Variants in HHLA1 observed in about 807,000 individuals in gnomAD.
HHLA1 encodes HHLA1 neighbor of OC90.
Under a neutral mutation model 69.9 loss-of-function variants are expected in HHLA1, and 72 were observed. That is an observed-to-expected ratio of 1.03 (90% CI 0.85 to 1.25). HHLA1 has a LOEUF of 1.25. HHLA1 is among the 50% of genes most tolerant of loss of function. The probability of loss-of-function intolerance (pLI) is 0.00; values close to 1 mark genes in which losing one functional copy is unlikely to be tolerated. For synonymous variants in HHLA1, 252 were observed against 233.2 expected (o/e 1.08, Z -0.73); for missense variants, 685 against 642.2 (o/e 1.07, Z -0.72).
intron 1 of HHLA1, among the ~76,000 whole-genome samples, chr8:132,110,078 A>G (rs1463925160): frequency 1.3e-5 from 2 of 152,176 alleles, no homozygotes; most frequent in Non-Finnish European, 2.9e-5. Context: ...TCCCAAATCA[A>G]CCAAGGTTAG....
At chr8:132,078,170 A>G (rs1204339576) in intron 11 of HHLA1, among the ~76,000 whole-genome samples, 199 bp from the exon 12 acceptor site, 2 of 112,330 alleles carry the variant, frequency 1.8e-5, no homozygotes, top group Non-Finnish European at 3.4e-5. Flanking sequence ...AAGCACCAAT[A>G]AACACACACA....
chr8:132,068,845 G>A (rs2957047), intron 15 of HHLA1, among the ~76,000 whole-genome samples: 47 of 152,276 alleles, frequency 3.1e-4, no homozygotes, highest in South Asian at 2.5e-3. Flanking sequence ...TGGTTCTGGG[G>A]CCCCAAATAA....
intron 3 of HHLA1, among the ~76,000 whole-genome samples, chr8:132,103,215 G>A (rs1206387793): frequency 2.0e-5 from 3 of 152,308 alleles, no homozygotes; most frequent in African/African-American, 7.2e-5. Flanking sequence ...GGTACAATTG[G>A]TGCTTTCAGG....
intron 14 of HHLA1, among the ~76,000 whole-genome samples, chr8:132,073,696 C>A (rs949291843): frequency 6.6e-6 from 1 of 152,152 alleles, no homozygotes; most frequent in East Asian, 1.9e-4. Flanking sequence ...ATTTCCATGT[C>A]CCTTGCCCCA....
Position 132,084,162 on chromosome 8 carries a change from G to C in HHLA1, c.676+3491C>G, listed in dbSNP as rs552925496. On this transcript the variant is annotated intron_variant, in intron 10 of 16. Coordinates refer to ENST00000414222, the MANE Select transcript of HHLA1 (RefSeq NM_001145095.3). ...TTTAAGAGTAAATTGCTGGGCAGGT[G>C]GGGGAGGGCTAGTCAGGGAACGAAA... is the stretch of plus-strand genomic sequence containing the variant. Among the ~76,000 whole-genome samples the C allele has an allele frequency of 4.5e-4, 68 of 152,276 alleles. 1 individual carries two copies. In the East Asian group the frequency reaches 9.7e-3, roughly 22 times the overall value.
intron 7 of HHLA1, among the ~76,000 whole-genome samples, chr8:132,090,991 C>A (rs373653851): frequency 6.6e-6 from 1 of 152,138 alleles, no homozygotes; most frequent in Non-Finnish European, 1.5e-5. Context: ...GATCTCCTGA[C>A]CTTGTGCTCC....
At chr8:132,105,799 CA>C (rs1824194423) in intron 1 of HHLA1, among the ~76,000 whole-genome samples, 1 of 152,202 alleles carries the variant, frequency 6.6e-6, no homozygotes, top group Non-Finnish European at 1.5e-5. Flanking sequence ...ATATTTCTTC[CA>C]TGGATTTTCT....
intron 13 of HHLA1, 56 bp downstream of exon 13, chr8:132,076,419 T>TGCCCCCCCCCCCCCCCCCC: frequency 1.7e-6 from 1 of 596,564 alleles, no homozygotes; most frequent in Non-Finnish European, 3.1e-6. Flanking sequence ...TCCCCAAGCT[T>TGCCCCCCCCCCCCCCCCCC]CCCACCCCTC....
At position 132,080,172 on chromosome 8, in the gene HHLA1, A is replaced by C. The variant is rs1586727386; in HGVS notation, c.677-206T>G. ...ACCTCCAGCCCTCAGCCTCTCCAGG[A>C]CTCTGGTACATGTCTTTGGAAGAGG... is the stretch of plus-strand genomic sequence containing the variant. On this transcript the variant is annotated intron_variant, in intron 10 of 16. Coordinates refer to ENST00000414222, the MANE Select transcript of HHLA1 (RefSeq NM_001145095.3). 14 of 709,180 alleles carry C rather than the reference A, an allele frequency of 2.0e-5. No individual in the cohort carries two copies. In the East Asian group the frequency reaches 4.0e-4, roughly 20 times the overall value. 43.9% of individuals were successfully genotyped at this position (709,180 alleles called of 1,614,324 possible).
At chr8:132,089,784 G>A (rs912326781) in intron 7 of HHLA1, among the ~76,000 whole-genome samples, 185 bp from the exon 8 acceptor site, 6 of 152,232 alleles carry the variant, frequency 3.9e-5, no homozygotes, top group East Asian at 3.9e-4. Flanking sequence ...ATTTCAGGCC[G>A]GAAGGAAACT....
At chr8:132,101,877 A>C (rs62521346) in intron 3 of HHLA1, among the ~76,000 whole-genome samples, 1 of 152,188 alleles carries the variant, frequency 6.6e-6, no homozygotes, top group Non-Finnish European at 1.5e-5. Context: ...CATCCCAATT[A>C]ACAGATTTTT....
intron 8 of HHLA1, 139 bp downstream of exon 8, chr8:132,089,377 T>C: frequency 1.5e-6 from 1 of 676,438 alleles, no homozygotes; most frequent in Non-Finnish European, 2.7e-6. Context: ...ACACTGATTA[T>C]CTAAATAAAG....
intron 10 of HHLA1, among the ~76,000 whole-genome samples, chr8:132,083,944 T>A (rs201711381): frequency 0.65 from 96,098 of 148,278 alleles, 31,173 homozygotes; most frequent in South Asian, 0.74. Context: ...GGTGATAAAA[T>A]GTATTTTGAG....
intron 3 of HHLA1, among the ~76,000 whole-genome samples, chr8:132,103,022 A>G (rs1288730856): frequency 2.0e-5 from 3 of 152,172 alleles, no homozygotes; most frequent in Non-Finnish European, 4.4e-5. Flanking sequence ...CCATAATAAA[A>G]GCTTTAAAAT....
chr8:132,101,827 T>C (rs2082312), intron 3 of HHLA1, among the ~76,000 whole-genome samples: 122,036 of 152,166 alleles, frequency 0.8, 49,412 homozygotes, highest in Middle Eastern at 0.93. Context: ...CTGCCTCGGC[T>C]TCCCAAAGTG....
At chr8:132,072,977 C>A (rs1245064841) in intron 14 of HHLA1, among the ~76,000 whole-genome samples, 1 of 151,782 alleles carries the variant, frequency 6.6e-6, no homozygotes, top group African/African-American at 2.4e-5. Context: ...CTACATAAAT[C>A]TTTTCCCCTC....
intron 10 of HHLA1, among the ~76,000 whole-genome samples, chr8:132,083,345 A>AG (rs1823794463): frequency 1.3e-5 from 2 of 152,088 alleles, no homozygotes; most frequent in Admixed American, 1.3e-4. Flanking sequence ...TATGGAGGCA[A>AG]GGGAAACAGG....
At chr8:132,076,350 A>G in intron 13 of HHLA1, 125 bp downstream of exon 13, 1 of 753,712 alleles carries the variant, frequency 1.3e-6, no homozygotes, top group Non-Finnish European at 2.2e-6. Flanking sequence ...TGCAGGAAAC[A>G]ATAAAGCAGA....
intron 5 of HHLA1, among the ~76,000 whole-genome samples, chr8:132,098,460 T>C (rs1297918151): frequency 1.3e-5 from 2 of 152,226 alleles, no homozygotes; most frequent in Non-Finnish European, 2.9e-5. Flanking sequence ...TTCTGCATTC[T>C]GCTTTTGTTT....
Sources: allele counts gnomAD v4.1 joint callset (sites outside exome capture counted in the v4.1 genomes callset), GRCh38; gene constraint gnomAD v4.1.1; transcripts MANE v1.5; gene names NCBI Gene and HGNC (gene_info 2026-07-23, HGNC 2026-07-21).